The following ANKHD1 variants were observed in gnomAD, a reference collection of about 807,000 sequenced individuals.
ANKHD1 encodes ankyrin repeat and KH domain-containing protein 1.
Under a neutral mutation model 230.5 loss-of-function variants are expected in ANKHD1, and 31 were observed. The ratio of observed to expected loss-of-function variants is 0.13; its 90% confidence interval spans 0.10 to 0.18. The LOEUF (loss-of-function observed/expected upper bound fraction) is 0.18, where lower values mean the gene tolerates loss of function less well. Among genes scored for constraint, ANKHD1 ranks in the 10% least tolerant of loss-of-function variants. ANKHD1 has a pLI of 1.00. For synonymous variants in ANKHD1, 1,074 were observed against 1,117.6 expected (o/e 0.96, Z 0.78); for missense variants, 2,256 against 3,071.3 (o/e 0.73, Z 6.27).
chr5:140,479,146 C>A (rs1488696595), intron 10 of ANKHD1, among the ~76,000 whole-genome samples: 1 of 151,700 alleles, frequency 6.6e-6, no homozygotes, highest in Non-Finnish European at 1.5e-5. Context: ...TACAGGCACC[C>A]GCCACCACGC....
intron 1 of ANKHD1, among the ~76,000 whole-genome samples, chr5:140,423,384 A>G (rs1479964694): frequency 6.6e-6 from 1 of 152,144 alleles, no homozygotes; most frequent in African/African-American, 2.4e-5. Flanking sequence ...TGATCACTCT[A>G]AAGATTGATA....
At chr5:140,517,021 C>G (rs1753048608) in intron 24 of ANKHD1, among the ~76,000 whole-genome samples, 1 of 151,216 alleles carries the variant, frequency 6.6e-6, no homozygotes, top group Admixed American at 6.6e-5. Context: ...CAAGACCCAT[C>G]AGTGTGCTGT....
At chr5:140,462,781 T>C (rs1775806201) in intron 9 of ANKHD1, among the ~76,000 whole-genome samples, 1 of 150,670 alleles carries the variant, frequency 6.6e-6, no homozygotes, top group South Asian at 2.1e-4. Context: ...CCCCTTTATC[T>C]GCCAGTTTCC....
chr5:140,501,376 C>A (rs1159964425), intron 15 of ANKHD1, among the ~76,000 whole-genome samples: 1 of 152,034 alleles, frequency 6.6e-6, no homozygotes, highest in Non-Finnish European at 1.5e-5. Flanking sequence ...CCACGCCAAC[C>A]ATAGGTTTTT....
chr5:140,484,885 T>G (rs1751435280), intron 11 of ANKHD1: 1 of 482,044 alleles, frequency 2.1e-6, no homozygotes, highest in Non-Finnish European at 3.1e-6. Flanking sequence ...GGGTAGTGAC[T>G]GAAAGGGAGC....
Position 140,472,401 on chromosome 5 carries a change from G to T in ANKHD1, c.1782+7625G>T, listed in dbSNP as rs1404432797. 6.7e-6 allele frequency: 10 copies of T among 1,495,038 alleles called. No individual in the cohort carries two copies. The African/African-American group carries it at 1.4e-4, about 21-fold the overall frequency. 92.6% of individuals were successfully genotyped at this position (1,495,038 alleles called of 1,614,324 possible). A position where few individuals can be genotyped will look rare whatever the true frequency, so the allele number is the denominator to read the frequency against. On this transcript the variant is annotated intron_variant, in intron 10 of 33. Transcript: ENST00000360839. ...TCCAGCCAAGAAGTTCCAGGACCCT[G>T]CTGGGTGACAAAGGAAATCCTCTTC...
At chr5:140,464,209 C>T (rs983003077) in intron 9 of ANKHD1, among the ~76,000 whole-genome samples, 10 of 148,434 alleles carry the variant, frequency 6.7e-5, no homozygotes, top group African/African-American at 2.5e-5. Flanking sequence ...CCAGCCTGAG[C>T]GACAGAGTGA....
intron 29 of ANKHD1, 73 bp from the exon 30 acceptor site, chr5:140,535,289 T>C (rs1378783391): frequency 2.7e-6 from 4 of 1,497,968 alleles, no homozygotes; most frequent in Admixed American, 2.4e-5. Context: ...TATCTCACTT[T>C]GGTGGAAGTC....
intron 1 of ANKHD1, among the ~76,000 whole-genome samples, chr5:140,411,985 A>G (rs1419958216): frequency 6.6e-6 from 1 of 151,744 alleles, no homozygotes; most frequent in Non-Finnish European, 1.5e-5. Flanking sequence ...CAGCCTCCCA[A>G]GTGTCTGGGA....
chr5:140,441,229 C>T (rs1179339984), intron 5 of ANKHD1, 87 bp downstream of exon 5: 3 of 1,381,806 alleles, frequency 2.2e-6, no homozygotes, highest in Admixed American at 6.8e-5. Context: ...CTGAGGAAAA[C>T]CAGTATAAAC....
Position 140,408,399 on chromosome 5 carries a change from C to T in ANKHD1, c.306+6126C>T, listed in dbSNP as rs367878094. Among the ~76,000 whole-genome samples the T allele has an allele frequency of 2.6e-5, 4 of 152,178 alleles. No individual in the cohort carries two copies. The South Asian group carries it at 8.3e-4, about 32-fold the overall frequency. On this transcript the variant is annotated intron_variant, in intron 1 of 33. Coordinates refer to ENST00000360839, the MANE Select transcript of ANKHD1 (RefSeq NM_017747.3). ...ATGTATATATGTTCATATACACATA[C>T]TTTAAAGGCATATCAAATTTAAAAG...
At chr5:140,444,089 C>A (rs533449521) in intron 5 of ANKHD1, among the ~76,000 whole-genome samples, 15 of 140,332 alleles carry the variant, frequency 1.1e-4, no homozygotes, top group Admixed American at 7.1e-5. Flanking sequence ...TCCCCCCCCC[C>A]CTTTTTTTTT....
chr5:140,453,490 A>G (rs888934065), intron 7 of ANKHD1, among the ~76,000 whole-genome samples: 9 of 152,172 alleles, frequency 5.9e-5, no homozygotes, highest in African/African-American at 1.9e-4. Context: ...ACAAAGGGAA[A>G]CCCATCAGAC....
At chr5:140,428,480 A>G (rs993162290) in intron 1 of ANKHD1, among the ~76,000 whole-genome samples, 45 of 152,226 alleles carry the variant, frequency 3.0e-4, no homozygotes, top group Non-Finnish European at 5.6e-4. Context: ...CCAAAAAAAC[A>G]CGAAAACCAG....
intron 7 of ANKHD1, among the ~76,000 whole-genome samples, chr5:140,454,626 G>A (rs1332394351): frequency 6.6e-6 from 1 of 152,126 alleles, no homozygotes; most frequent in African/African-American, 2.4e-5. Context: ...GGCACATAAC[G>A]AAATGAAGGC....
chr5:140,461,068 G>A (rs530177540), intron 9 of ANKHD1, among the ~76,000 whole-genome samples: 58 of 152,248 alleles, frequency 3.8e-4, no homozygotes, highest in Admixed American at 3.2e-3. Context: ...GTTTTTAAAA[G>A]AAGGAATAAA....
At chr5:140,525,248 A>T (rs1037825728) in intron 25 of ANKHD1, among the ~76,000 whole-genome samples, 1 of 152,132 alleles carries the variant, frequency 6.6e-6, no homozygotes, top group Non-Finnish European at 1.5e-5. Context: ...TATTAGGCTA[A>T]CAAGAGCAAA....
At chr5:140,501,461 C>A (rs1277534850) in intron 15 of ANKHD1, among the ~76,000 whole-genome samples, 6 of 151,942 alleles carry the variant, frequency 3.9e-5, no homozygotes, top group Non-Finnish European at 7.4e-5. Context: ...TAAAAACTCA[C>A]AACAGCCGGG....
Position 140,449,392 on chromosome 5 carries a change from C to T in ANKHD1, c.1242+87C>T, listed in dbSNP as rs1023005904. On this transcript the variant is annotated intron_variant, in intron 7 of 33. Coordinates refer to ENST00000360839, the MANE Select transcript of ANKHD1 (RefSeq NM_017747.3). ...CTTTAAGAGTGATTAATTGCCAGTG[C>T]GGTGGCTCACGCCTGTAATCCCAGC... is the stretch of plus-strand genomic sequence containing the variant. The T allele has an allele frequency of 4.9e-5, 70 of 1,429,780 alleles. No individual in the cohort carries two copies. The Admixed American group carries it at 5.4e-4, about 11-fold the overall frequency. 88.6% of individuals were successfully genotyped at this position (1,429,780 alleles called of 1,614,324 possible).
Sources: allele counts gnomAD v4.1 joint callset (sites outside exome capture counted in the v4.1 genomes callset), GRCh38; gene constraint gnomAD v4.1.1; transcripts MANE v1.5; gene names NCBI Gene and HGNC (gene_info 2026-07-23, HGNC 2026-07-21).